The following ATP8A2 variants were observed in gnomAD, a reference collection of about 807,000 sequenced individuals.
ATP8A2 encodes phospholipid-transporting ATPase IB.
In ATP8A2, 100 loss-of-function variants were observed where a neutral mutation model predicts 165.6. The observed-to-expected ratio is 0.60, with a 90% CI of 0.51 to 0.71. The LOEUF (loss-of-function observed/expected upper bound fraction) is 0.71, where lower values mean the gene tolerates loss of function less well. ATP8A2 is among the 30% of genes least tolerant of loss of function. The probability of loss-of-function intolerance (pLI) is 0.00; values close to 1 mark genes in which losing one functional copy is unlikely to be tolerated. For synonymous variants in ATP8A2, 543 were observed against 548.8 expected (o/e 0.99, Z 0.15); for missense variants, 1,227 against 1,479.5 (o/e 0.83, Z 2.80).
At chr13:26,018,370 T>G (rs2139376614) in intron 36 of ATP8A2, among the ~76,000 whole-genome samples, 1 of 152,364 alleles carries the variant, frequency 6.6e-6, no homozygotes, top group South Asian at 2.1e-4. Flanking sequence ...GTCTTGATAC[T>G]CTAGAAATTT....
chr13:25,937,848 C>CAAAAAAA (rs57258286), intron 33 of ATP8A2, among the ~76,000 whole-genome samples: 173 of 83,434 alleles, frequency 2.1e-3, no homozygotes, highest in Non-Finnish European at 2.5e-3. Context: ...GACTCCGTCT[C>CAAAAAAA]AAAAAAAAAA....
At chr13:25,391,356 C>A (rs747040195) in intron 1 of ATP8A2, among the ~76,000 whole-genome samples, 5 of 152,188 alleles carry the variant, frequency 3.3e-5, no homozygotes, top group Non-Finnish European at 7.3e-5. Context: ...TCCATCCATC[C>A]ATCATTGATC....
At chr13:25,893,858 A>G (rs1052661563) in intron 33 of ATP8A2, among the ~76,000 whole-genome samples, 1 of 152,124 alleles carries the variant, frequency 6.6e-6, no homozygotes, top group African/African-American at 2.4e-5. Flanking sequence ...TCTTTTGAGA[A>G]GTGTCTGTTC....
intron 33 of ATP8A2, among the ~76,000 whole-genome samples, chr13:25,903,456 C>G (rs1953828841): frequency 6.6e-6 from 1 of 152,170 alleles, no homozygotes; most frequent in Non-Finnish European, 1.5e-5. Context: ...GTCTGTTCTT[C>G]ATTGGAATGA....
At chr13:25,409,246 G>A (rs938651463) in intron 1 of ATP8A2, among the ~76,000 whole-genome samples, 13 of 152,120 alleles carry the variant, frequency 8.5e-5, no homozygotes, top group Admixed American at 3.3e-4. Context: ...GTCTATTTAC[G>A]GAAAATGAAT....
intron 24 of ATP8A2, among the ~76,000 whole-genome samples, chr13:25,639,511 A>G (rs1481314376): frequency 6.6e-6 from 1 of 152,232 alleles, no homozygotes; most frequent in African/African-American, 2.4e-5. Flanking sequence ...AAAGAAGGCC[A>G]TTGCATAATG....
At chr13:25,779,596 A>G (rs1043419091) in intron 27 of ATP8A2, among the ~76,000 whole-genome samples, 1 of 152,136 alleles carries the variant, frequency 6.6e-6, no homozygotes, top group South Asian at 2.1e-4. Flanking sequence ...TCTTTTTGCA[A>G]TAGTCAAATT....
intron 25 of ATP8A2, among the ~76,000 whole-genome samples, chr13:25,723,988 A>G (rs1195767984): frequency 6.6e-6 from 1 of 152,142 alleles, no homozygotes. Context: ...GGAAGTAGGT[A>G]ACCTCTAGGT....
intron 27 of ATP8A2, among the ~76,000 whole-genome samples, chr13:25,792,571 T>C (rs1229545999): frequency 2.0e-5 from 3 of 152,260 alleles, no homozygotes; most frequent in African/African-American, 7.2e-5. Context: ...ACAAAAAATG[T>C]AATTATGGTC....
At chr13:25,531,327 T>G (rs1422086523) in intron 4 of ATP8A2, among the ~76,000 whole-genome samples, 1 of 83,318 alleles carries the variant, frequency 1.2e-5, no homozygotes, top group African/African-American at 4.6e-5. Flanking sequence ...TTATATATGA[T>G]ATATATATGT....
chr13:25,423,353 T>A (rs1323128519), intron 1 of ATP8A2, among the ~76,000 whole-genome samples: 2 of 152,270 alleles, frequency 1.3e-5, no homozygotes, highest in Non-Finnish European at 2.9e-5. Flanking sequence ...AGTGTGTGTG[T>A]ACCAAGGCAA....
At chr13:25,383,310 G>A (rs1004048229) in intron 1 of ATP8A2, among the ~76,000 whole-genome samples, 3 of 148,046 alleles carry the variant, frequency 2.0e-5, no homozygotes, top group Non-Finnish European at 4.5e-5. Flanking sequence ...TCACCATGTT[G>A]GCCAGGATGG....
intron 25 of ATP8A2, among the ~76,000 whole-genome samples, chr13:25,715,616 G>C (rs569704870): frequency 1.2e-4 from 19 of 152,164 alleles, no homozygotes; most frequent in African/African-American, 4.3e-4. Context: ...GTCTTCAAAG[G>C]GTCATTCATG....
intron 33 of ATP8A2, among the ~76,000 whole-genome samples, chr13:25,935,420 A>C (rs896266429): frequency 3.9e-5 from 6 of 152,218 alleles, no homozygotes; most frequent in African/African-American, 1.4e-4. Flanking sequence ...TTCTGATACA[A>C]AGATTCATTT....
intron 30 of ATP8A2, among the ~76,000 whole-genome samples, chr13:25,855,250 CAAAAAA>C (rs377574904): frequency 9.0e-6 from 1 of 111,586 alleles, no homozygotes. Context: ...GACTCCATCT[CAAAAAA>C]AAAAAAAAAA....
intron 18 of ATP8A2, among the ~76,000 whole-genome samples, chr13:25,573,756 A>G (rs1041284353): frequency 6.6e-6 from 1 of 152,060 alleles, no homozygotes; most frequent in African/African-American, 2.4e-5. Flanking sequence ...ATATGATGGA[A>G]AGTTAGGACA....
intron 25 of ATP8A2, among the ~76,000 whole-genome samples, chr13:25,710,097 G>A (rs1036087462): frequency 1.3e-5 from 2 of 152,090 alleles, no homozygotes; most frequent in Non-Finnish European, 2.9e-5. Flanking sequence ...TTGTGGAGAA[G>A]GAGGAGACTT....
chr13:25,976,531 C>G (rs1375931464), intron 35 of ATP8A2, among the ~76,000 whole-genome samples: 1 of 151,778 alleles, frequency 6.6e-6, no homozygotes, highest in Non-Finnish European at 1.5e-5. Context: ...CCAGAGAGAC[C>G]AGGAGGGGTG....
chr13:25,618,440 G>A (rs536505839), intron 24 of ATP8A2, among the ~76,000 whole-genome samples: 10 of 146,838 alleles, frequency 6.8e-5, no homozygotes, highest in East Asian at 5.8e-4. Flanking sequence ...TGTCATTTTC[G>A]GGAAGAAGGT....
Sources: gnomAD v4.1 joint callset for allele counts (sites outside exome capture counted in the v4.1 genomes callset) on GRCh38, gnomAD v4.1.1 for gene constraint, MANE v1.5 for transcripts, NCBI Gene and HGNC (gene_info 2026-07-23, HGNC 2026-07-21) for gene names.